The following TUT4 variants were observed in gnomAD, a reference collection of about 807,000 sequenced individuals.
TUT4 encodes terminal uridylyl transferase 4.
Under a neutral mutation model 192.2 loss-of-function variants are expected in TUT4, and 36 were observed. The observed-to-expected ratio is 0.19, with a 90% CI of 0.14 to 0.25. TUT4 has a LOEUF of 0.25. Ranked by LOEUF, TUT4 falls within the 10% of genes least tolerant of loss-of-function variation. The pLI is 1.00. For synonymous variants in TUT4, 618 were observed against 666.0 expected, an observed-to-expected ratio of 0.93 and a Z score of 1.11; for missense variants, 1,493 against 1,957.2, an observed-to-expected ratio of 0.76 and a Z score of 4.47.
chr1:52,487,273 C>G (rs528240557), intron 9 of TUT4, among the ~76,000 whole-genome samples: 17 of 151,856 alleles, frequency 1.1e-4, no homozygotes, highest in Admixed American at 1.1e-3. Flanking sequence ...AAATGAGAAC[C>G]CATCTCTACA....
intron 15 of TUT4, 30 bp from the exon 16 acceptor site, chr1:52,465,203 T>G (rs1663760283): frequency 6.4e-7 from 1 of 1,560,258 alleles, no homozygotes; most frequent in Non-Finnish European, 8.8e-7. Flanking sequence ...GTCCAAGGCC[T>G]TATTATAAGC....
intron 2 of TUT4, among the ~76,000 whole-genome samples, chr1:52,521,626 C>G (rs942147090): frequency 6.6e-6 from 1 of 151,922 alleles, no homozygotes; most frequent in African/African-American, 2.4e-5. Flanking sequence ...GATCGCGCCA[C>G]TGCACTCCAG....
intron 18 of TUT4, 61 bp from the exon 19 acceptor site, chr1:52,461,284 G>A (rs937056822): frequency 3.4e-6 from 5 of 1,466,062 alleles, no homozygotes; most frequent in Non-Finnish European, 4.7e-6. Context: ...CTACAAATCA[G>A]ATTTAAAAGT....
chr1:52,505,618 C>G (rs533801421), intron 4 of TUT4, among the ~76,000 whole-genome samples: 1 of 151,942 alleles, frequency 6.6e-6, no homozygotes, highest in South Asian at 2.1e-4. Context: ...GAGGGGGTTT[C>G]GCCACATTGG....
intron 12 of TUT4, among the ~76,000 whole-genome samples, chr1:52,475,942 T>C (rs191751603): frequency 1.2e-4 from 18 of 152,186 alleles, no homozygotes; most frequent in East Asian, 1.2e-3. Flanking sequence ...CCTCCCAGGT[T>C]CAAGCGATTC....
chr1:52,527,305 T>C (rs1314669891), intron 1 of TUT4, among the ~76,000 whole-genome samples: 9 of 152,164 alleles, frequency 5.9e-5, no homozygotes, highest in African/African-American at 4.8e-5. Flanking sequence ...CCCAACACTT[T>C]GGGAGGCCAA....
chr1:52,521,403 G>A (rs1446328219), intron 2 of TUT4, among the ~76,000 whole-genome samples: 2 of 152,132 alleles, frequency 1.3e-5, no homozygotes, highest in East Asian at 3.9e-4. Flanking sequence ...GGTAGCTCAT[G>A]CCTATAATCC....
chr1:52,539,641 A>C (rs1414141181), intron 1 of TUT4, among the ~76,000 whole-genome samples: 1 of 152,178 alleles, frequency 6.6e-6, no homozygotes. Context: ...CTATAATCAC[A>C]GCACTTTGGG....
intron 20 of TUT4, among the ~76,000 whole-genome samples, chr1:52,452,637 G>T (rs1485672976): frequency 1.3e-5 from 2 of 152,190 alleles, no homozygotes; most frequent in Non-Finnish European, 2.9e-5. Context: ...CTGAACACAT[G>T]GAGGTTCCTA....
At chr1:52,518,337 C>A (rs1055419767) in intron 2 of TUT4, among the ~76,000 whole-genome samples, 1 of 152,202 alleles carries the variant, frequency 6.6e-6, no homozygotes, top group Admixed American at 6.5e-5. Context: ...TCTCATAGTT[C>A]TGGAGACTGG....
chr1:52,488,002 A>C (rs886798075), intron 9 of TUT4, among the ~76,000 whole-genome samples: 7 of 152,192 alleles, frequency 4.6e-5, no homozygotes, highest in African/African-American at 1.4e-4. Flanking sequence ...AGCATTCTAA[A>C]TACCTAAGGT....
chr1:52,477,204 TAACC>T (rs1008766037), intron 12 of TUT4, among the ~76,000 whole-genome samples: 3 of 152,166 alleles, frequency 2.0e-5, no homozygotes, highest in African/African-American at 7.2e-5. Context: ...TTACTGACCT[TAACC>T]ATATATGGCA....
intron 20 of TUT4, among the ~76,000 whole-genome samples, chr1:52,450,448 T>C (rs948724636): frequency 2.0e-5 from 3 of 152,214 alleles, no homozygotes; most frequent in African/African-American, 7.2e-5. Flanking sequence ...ATTAAGCAGA[T>C]GTCTGTTAAA....
At chr1:52,552,655 G>A (rs954131163) in intron 1 of TUT4, among the ~76,000 whole-genome samples, 4 of 152,152 alleles carry the variant, frequency 2.6e-5, no homozygotes, top group African/African-American at 7.2e-5. Context: ...CCCAGCCACA[G>A]TGTGGAGTTC....
intron 9 of TUT4, among the ~76,000 whole-genome samples, chr1:52,485,573 T>C (rs956403660): frequency 7.2e-5 from 11 of 152,280 alleles, no homozygotes; most frequent in African/African-American, 2.6e-4. Context: ...TGTTTTGCCT[T>C]TGTTTTTTGT....
intron 13 of TUT4, among the ~76,000 whole-genome samples, chr1:52,473,370 T>G (rs994131744): frequency 1.3e-5 from 2 of 152,176 alleles, no homozygotes; most frequent in African/African-American, 4.8e-5. Context: ...TCTGTACAGA[T>G]TAATAATACT....
chr1:52,461,096 T>C, intron 19 of TUT4, 38 bp downstream of exon 19: 1 of 1,476,536 alleles, frequency 6.8e-7, no homozygotes, highest in Non-Finnish European at 9.2e-7. Context: ...ATTTTAATTA[T>C]CATGAACAAA....
intron 4 of TUT4, among the ~76,000 whole-genome samples, chr1:52,504,111 A>G (rs1674880135): frequency 6.6e-6 from 1 of 152,236 alleles, no homozygotes; most frequent in Non-Finnish European, 1.5e-5. Flanking sequence ...AACTATGATA[A>G]CATATCAAAT....
Position 52,431,355 on chromosome 1 carries a change from G to A in TUT4, c.4369C>T (p.Leu1457Phe), listed in dbSNP as rs1309326492. 1 of 1,614,164 alleles carries A rather than the reference G, an allele frequency of 6.2e-7. No homozygotes were observed. ...TGGGCTCCCTGCTGAGGTGGGCCAAGCTTAGGTTGGGATCCTGGCTGAGAT... is the reference window on the plus strand; with the variant it reads ...TGGGCTCCCTGCTGAGGTGGGCCAAACTTAGGTTGGGATCCTGGCTGAGAT... ...PSSQPGSQPK[L>F]GPPQQGAQPP... The change falls in exon 28 of 30, where the codon CTT becomes TTT. Residue 1457 changes from leucine (L) to phenylalanine (F), a missense_variant. Physicochemically the swap from Leu to Phe is conservative, Grantham distance 22 (BLOSUM62 0). Around this residue, in one of 7 missense-constraint regions of TUT4, gnomAD observed 351 missense variants for 397.8 expected, o/e 0.88. Transcript: ENST00000257177.
Sources: allele counts gnomAD v4.1 joint callset (sites outside exome capture counted in the v4.1 genomes callset), GRCh38; gene constraint gnomAD v4.1.1; regional missense constraint gnomAD v4.1.1; transcripts MANE v1.5; gene names NCBI Gene and HGNC (gene_info 2026-07-23, HGNC 2026-07-21).